Variants in CDH18 observed in about 807,000 individuals in gnomAD.
The protein encoded by CDH18 is cadherin 18, also known as cadherin-18.
In CDH18, 31 loss-of-function variants were observed where a neutral mutation model predicts 67.9. The observed-to-expected ratio is 0.46, with a 90% CI of 0.34 to 0.62. The LOEUF (loss-of-function observed/expected upper bound fraction) is 0.62, where lower values mean the gene tolerates loss of function less well. Among genes scored for constraint, CDH18 ranks in the 20% least tolerant of loss-of-function variants. The probability of loss-of-function intolerance (pLI) is 0.01; values close to 1 mark genes in which losing one functional copy is unlikely to be tolerated. For missense variants in CDH18, 890 were observed against 975.5 expected (o/e 0.91, Z 1.17); for synonymous variants, 362 against 347.2 (o/e 1.04, Z -0.48).
intron 3 of CDH18, among the ~76,000 whole-genome samples, chr5:19,802,531 C>G (rs1311582075): frequency 3.9e-5 from 6 of 151,994 alleles, no homozygotes; most frequent in Non-Finnish European, 5.9e-5. Flanking sequence ...AAGTAAAATT[C>G]AAATATGTTA....
At chr5:19,774,018 C>A (rs746903488) in intron 3 of CDH18, among the ~76,000 whole-genome samples, 4 of 152,138 alleles carry the variant, frequency 2.6e-5, no homozygotes, top group Non-Finnish European at 5.9e-5. Context: ...TACTATTTCT[C>A]TATATAGCTA....
chr5:19,614,355 G>T (rs530515327), intron 5 of CDH18, among the ~76,000 whole-genome samples: 47 of 150,790 alleles, frequency 3.1e-4, no homozygotes, highest in African/African-American at 1.1e-3. Flanking sequence ...AAATAGAAAT[G>T]AAAATTATTC....
chr5:20,560,988 T>C (rs1758176978), intron 1 of CDH18, among the ~76,000 whole-genome samples: 1 of 151,982 alleles, frequency 6.6e-6, no homozygotes, highest in African/African-American at 2.4e-5. Flanking sequence ...AGAAGATAGA[T>C]AGAAAGTAAT....
intron 10 of CDH18, among the ~76,000 whole-genome samples, chr5:19,505,381 T>C (rs1239748102): frequency 6.6e-6 from 1 of 152,186 alleles, no homozygotes; most frequent in Non-Finnish European, 1.5e-5. Flanking sequence ...AGAAAGGGCA[T>C]CCCTGTCTTG....
intron 1 of CDH18, among the ~76,000 whole-genome samples, chr5:20,287,057 G>A (rs1044178216): frequency 5.9e-5 from 9 of 151,540 alleles, no homozygotes; most frequent in African/African-American, 1.7e-4. Context: ...TGCTAATTTG[G>A]ACTCTTAAGT....
In CDH18 at chr5:20,020,183, A is replaced by G. The variant is rs562770552; in HGVS notation, c.-517-28169T>C. On this transcript the variant is annotated intron_variant, in intron 2 of 14. Coordinates refer to the CDH18 transcript ENST00000507958. ...TGGCTGCTTCTAACAGTGTATGCTT[A>G]TATTTGTGAACAAGATATAATCTTA... 2.0e-5 allele frequency among the ~76,000 whole-genome samples: 3 copies of G among 152,296 alleles called. No individual in the cohort carries two copies. The South Asian group carries it at 6.2e-4, about 32-fold the overall frequency.
chr5:20,351,191 T>TGTGTGTGTGCGCGCGCGCGC (rs1420969028), intron 1 of CDH18, among the ~76,000 whole-genome samples: 1 of 148,680 alleles, frequency 6.7e-6, no homozygotes, highest in Admixed American at 6.7e-5. Flanking sequence ...TGTGTGTGTG[T>TGTGTGTGTGCGCGCGCGCGC]GCGTGTGTGT....
At chr5:19,561,640 C>T (rs1441739541) in intron 8 of CDH18, among the ~76,000 whole-genome samples, 1 of 151,958 alleles carries the variant, frequency 6.6e-6, no homozygotes. Flanking sequence ...ACTTGTTCCC[C>T]AAAAACCTAT....
At chr5:20,340,563 G>A (rs943321652) in intron 1 of CDH18, among the ~76,000 whole-genome samples, 1 of 152,288 alleles carries the variant, frequency 6.6e-6, no homozygotes, top group Middle Eastern at 3.4e-3. Context: ...AAGGCTCACT[G>A]TCCCTGGAGG....
intron 5 of CDH18, among the ~76,000 whole-genome samples, chr5:19,651,592 C>T (rs1277913284): frequency 6.6e-6 from 1 of 152,016 alleles, no homozygotes; most frequent in Admixed American, 6.6e-5. Flanking sequence ...ACATCCCAAA[C>T]TGGAAATTAT....
At chr5:20,568,717 C>T (rs190558784) in intron 1 of CDH18, among the ~76,000 whole-genome samples, 1 of 152,218 alleles carries the variant, frequency 6.6e-6, no homozygotes, top group African/African-American at 2.4e-5. Flanking sequence ...TCTATCTATT[C>T]CTCCGAGGAC....
intron 1 of CDH18, among the ~76,000 whole-genome samples, chr5:20,518,439 G>T (rs891401828): frequency 1.3e-5 from 2 of 152,042 alleles, no homozygotes; most frequent in Non-Finnish European, 2.9e-5. Flanking sequence ...GATTATGTGG[G>T]CTCCCTTTTT....
intron 2 of CDH18, among the ~76,000 whole-genome samples, chr5:19,912,096 T>A (rs1346622830): frequency 6.6e-6 from 1 of 151,806 alleles, no homozygotes; most frequent in Non-Finnish European, 1.5e-5. Context: ...CAGGTAATAA[T>A]TAAAGACATG....
intron 2 of CDH18, among the ~76,000 whole-genome samples, chr5:20,090,162 G>C (rs946703240): frequency 1.2e-4 from 18 of 152,100 alleles, no homozygotes; most frequent in Non-Finnish European, 2.9e-5. Context: ...ACAACATTAG[G>C]ATCTTTGAAA....
chr5:20,026,324 A>G (rs1702103176), intron 2 of CDH18, among the ~76,000 whole-genome samples: 1 of 152,160 alleles, frequency 6.6e-6, no homozygotes, highest in Non-Finnish European at 1.5e-5. Context: ...TGCAGTCGCT[A>G]AGCTTCAGTT....
chr5:19,485,430 T>G (rs1177920595), intron 11 of CDH18, among the ~76,000 whole-genome samples: 1 of 152,076 alleles, frequency 6.6e-6, no homozygotes, highest in Non-Finnish European at 1.5e-5. Context: ...TAATTTTTTG[T>G]ATTTTTAGTA....
chr5:19,687,782 C>G (rs1653363017), intron 5 of CDH18, among the ~76,000 whole-genome samples: 1 of 152,204 alleles, frequency 6.6e-6, no homozygotes, highest in African/African-American at 2.4e-5. Flanking sequence ...AGACCCAATC[C>G]TCCAGAAGCA....
rs573242275 is a variant in CDH18 at position 20,050,143 on chromosome 5, T to C, written c.-517-58129A>G. Among the ~76,000 whole-genome samples the C allele has an allele frequency of 2.6e-5, 4 of 151,978 alleles. No homozygotes were observed. The South Asian group carries it at 8.3e-4, about 31-fold the overall frequency. On this transcript the variant is annotated intron_variant, in intron 2 of 14. Coordinates refer to the CDH18 transcript ENST00000507958. ...GGTAACCCTCCTGACTGCCACAGGA[T>C]AGATCACATATTATTAGAATTTTGC...
At chr5:19,948,306 C>G (rs1795462073) in intron 2 of CDH18, among the ~76,000 whole-genome samples, 1 of 152,032 alleles carries the variant, frequency 6.6e-6, no homozygotes, top group African/African-American at 2.4e-5. Context: ...TTGTAGAAAT[C>G]TGTACACAAA....
Sources: allele counts gnomAD v4.1 joint callset (sites outside exome capture counted in the v4.1 genomes callset), GRCh38; gene constraint gnomAD v4.1.1; transcripts MANE v1.5; gene names NCBI Gene and HGNC (gene_info 2026-07-23, HGNC 2026-07-21).